Variants in UBE2QL1 observed in about 807,000 individuals in gnomAD.
UBE2QL1 encodes the protein ubiquitin conjugating enzyme E2 QL1, also known as ubiquitin-conjugating enzyme E2Q-like protein 1.
UBE2QL1 carries 5 observed loss-of-function variants against 12.6 expected under a neutral mutation model. That is an observed-to-expected ratio of 0.40 (90% CI 0.21 to 0.83). The LOEUF (loss-of-function observed/expected upper bound fraction) is 0.83. Ranked by LOEUF, UBE2QL1 falls within the 40% of genes least tolerant of loss-of-function variation. The probability of loss-of-function intolerance (pLI) is 0.37; values close to 1 mark genes in which losing one functional copy is unlikely to be tolerated. For missense variants in UBE2QL1, 99 were observed against 222.6 expected (o/e 0.44, Z 3.53); for synonymous variants, 96 against 94.5 (o/e 1.02, Z -0.10).
chr5:6,449,088 G>T lies in UBE2QL1; in HGVS notation c.195G>T (p.Ser65=). The T allele has an allele frequency of 6.5e-7, 1 of 1,547,854 alleles. No homozygotes were observed. The highest frequency in any genetic ancestry group is 8.7e-7 in the Non-Finnish European group (1 of 1,145,354). ...NLTFPDNFPF[S]PPFMRVLSPR... ...CCTTCCCCGACAACTTCCCCTTCTC[G>T]CCGCCCTTCATGCGGGTGCTCAGCC... The change falls in exon 1 of 2, where the codon TCG becomes TCT. Residue 65 remains serine, a synonymous_variant. Coordinates refer to ENST00000399816, the MANE Select transcript of UBE2QL1 (RefSeq NM_001145161.3).
rs1347564800 is a variant in UBE2QL1 at position 6,494,255 on chromosome 5, T to C, written c.*2906T>C. ...TGTAACTTTCTAGAAGACTGAGAAC[T>C]GCTTATGCCTTAGGGAGTTCTATGT... On this transcript the variant is annotated 3_prime_UTR_variant, in exon 2 of 2. Coordinates refer to ENST00000399816, the MANE Select transcript of UBE2QL1 (RefSeq NM_001145161.3). The C allele has an allele frequency of 6.6e-6, 1 of 152,230 alleles. No individual in the cohort carries two copies. Among genetic ancestry groups the C allele is most frequent in the African/African-American group, 2.4e-5 (1 of 41,458 alleles). The allele number at this position is 152,230 out of a possible 1,614,324, so 9.4% of individuals were successfully genotyped here. A position where few individuals can be genotyped will look rare whatever the true frequency, so the allele number is the denominator to read the frequency against.
intron 1 of UBE2QL1, among the ~76,000 whole-genome samples, chr5:6,465,695 A>G (rs146676585): frequency 1.3e-3 from 201 of 152,176 alleles, no homozygotes; most frequent in African/African-American, 4.7e-3. Context: ...CCTGGAAAGG[A>G]AAGAGCCCTC....
intron 1 of UBE2QL1, among the ~76,000 whole-genome samples, chr5:6,458,136 A>T (rs957170133): frequency 1.3e-5 from 2 of 152,256 alleles, no homozygotes; most frequent in African/African-American, 4.8e-5. Context: ...GTGCTTTTTG[A>T]ACATAATTGT....
intron 1 of UBE2QL1, among the ~76,000 whole-genome samples, chr5:6,465,492 A>G (rs183433830): frequency 2.5e-4 from 38 of 152,328 alleles, no homozygotes; most frequent in African/African-American, 9.1e-4. Context: ...GAAAACTGGG[A>G]GATGAGCAAA....
intron 1 of UBE2QL1, among the ~76,000 whole-genome samples, chr5:6,452,741 C>G (rs1338898553): frequency 1.3e-5 from 2 of 152,202 alleles, no homozygotes; most frequent in African/African-American, 4.8e-5. Context: ...AAAGTAGCAT[C>G]AGCATTGGGG....
intron 1 of UBE2QL1, among the ~76,000 whole-genome samples, chr5:6,469,664 G>A (rs1739869041): frequency 6.6e-6 from 1 of 151,306 alleles, no homozygotes; most frequent in Admixed American, 6.6e-5. Context: ...TATTCAAACA[G>A]TATACACTTA....
At chr5:6,480,845 A>G (rs1030594321) in intron 1 of UBE2QL1, among the ~76,000 whole-genome samples, 4 of 152,180 alleles carry the variant, frequency 2.6e-5, no homozygotes, top group Non-Finnish European at 5.9e-5. Context: ...GAGAGGTTTC[A>G]CAGTTTTAAG....
chr5:6,470,538 A>T (rs548348817), intron 1 of UBE2QL1, among the ~76,000 whole-genome samples: 1 of 152,270 alleles, frequency 6.6e-6, no homozygotes, highest in East Asian at 1.9e-4. Context: ...GCACACACAC[A>T]CTTCCACAGG....
In UBE2QL1 at chr5:6,491,238, T is replaced by G; in HGVS notation, c.375T>G (p.Ala125=). The G allele has an allele frequency of 6.4e-7, 1 of 1,551,074 alleles. No homozygotes were observed. Among genetic ancestry groups the G allele is most frequent in the South Asian group, 1.2e-5 (1 of 83,918 alleles). Residue 125 remains alanine (A), a synonymous_variant, in exon 2 of 2, where the codon GCT becomes GCG. Transcript: ENST00000399816. ...VKGQGRICRK[A]GKSKKSFSRK... is the part of the protein sequence containing the mutation. ...CGCAGGGACGGATCTGTAGAAAAGC[T>G]GGCAAATCAAAAAAGTCCTTCAGTC...
intron 1 of UBE2QL1, among the ~76,000 whole-genome samples, chr5:6,488,694 G>A (rs991800544): frequency 6.6e-6 from 1 of 151,782 alleles, no homozygotes; most frequent in African/African-American, 2.4e-5. Context: ...CAACTACCTG[G>A]GAGGCTGAGG....
intron 1 of UBE2QL1, among the ~76,000 whole-genome samples, chr5:6,469,939 T>C (rs1490866015): frequency 6.6e-6 from 1 of 152,190 alleles, no homozygotes; most frequent in East Asian, 1.9e-4. Context: ...CCCTCTGTGA[T>C]GAGAGTGAAC....
intron 1 of UBE2QL1, among the ~76,000 whole-genome samples, 192 bp downstream of exon 1, chr5:6,449,439 C>T (rs940587267): frequency 6.6e-6 from 1 of 152,124 alleles, no homozygotes; most frequent in African/African-American, 2.4e-5. Flanking sequence ...TTTCTTCCTG[C>T]CCCTGCTTTC....
rs768206702 is a variant in UBE2QL1, at chr5:6,496,310, G to A, written c.*4961G>A. On this transcript the variant is annotated 3_prime_UTR_variant, in exon 2 of 2. Coordinates refer to ENST00000399816, the MANE Select transcript of UBE2QL1 (RefSeq NM_001145161.3). ...GTTTTGTACCTCTAGACCTTGGGCA[G>A]TCACTGGTGATGACACTAATTGAAC... 6.6e-6 allele frequency among the ~76,000 whole-genome samples: 1 copy of A among 152,222 alleles called. No individual in the cohort carries two copies. The highest frequency in any genetic ancestry group is 6.5e-5 in the Admixed American group (1 of 15,284).
In UBE2QL1 at chr5:6,494,463, C is replaced by G. The variant is rs1734631725; in HGVS notation, c.*3114C>G. On this transcript the variant is annotated 3_prime_UTR_variant, in exon 2 of 2. Coordinates refer to ENST00000399816, the MANE Select transcript of UBE2QL1 (RefSeq NM_001145161.3). ...AAAATATGTAGATGAGTGAAAAAGA[C>G]CTAGGATTGAAAGACAAAAAGCCAT... 6.6e-6 allele frequency: 1 copy of G among 152,026 alleles called. No individual in the cohort carries two copies. Among genetic ancestry groups the G allele is most frequent in the Admixed American group, 6.6e-5 (1 of 15,250 alleles). 9.4% of individuals were successfully genotyped at this position (152,026 alleles called of 1,614,324 possible). A position where few individuals can be genotyped will look rare whatever the true frequency, so the allele number is the denominator to read the frequency against.
intron 1 of UBE2QL1, among the ~76,000 whole-genome samples, chr5:6,490,631 T>C (rs1449475713): frequency 3.3e-5 from 5 of 152,208 alleles, no homozygotes; most frequent in African/African-American, 1.2e-4. Context: ...GGTGCTGAAG[T>C]GACATGAATT....
At position 6,491,539 on chromosome 5, in the gene UBE2QL1, C is replaced by A; in HGVS notation, c.*190C>A. 1.6e-6 allele frequency: 1 copy of A among 644,642 alleles called. No individual in the cohort carries two copies. Among genetic ancestry groups the A allele is most frequent in the Non-Finnish European group, 2.3e-6 (1 of 429,876 alleles). The allele number at this position is 644,642 out of a possible 1,614,324, so 39.9% of individuals were successfully genotyped here. On this transcript the variant is annotated 3_prime_UTR_variant, in exon 2 of 2. Coordinates refer to ENST00000399816, the MANE Select transcript of UBE2QL1 (RefSeq NM_001145161.3). The stretch of plus-strand genomic sequence containing the variant: ...AGAGGAAGAGGGAGCAAATGCCGTT[C>A]GGATTATGTTTCGATTATAAATGAA...
chr5:6,449,296 G>T, intron 1 of UBE2QL1, 49 bp downstream of exon 1: 2 of 1,308,332 alleles, frequency 1.5e-6, no homozygotes, highest in Non-Finnish European at 1.9e-6. Flanking sequence ...GATCGGGTCT[G>T]CAGCGCCGCC....
At chr5:6,466,429 C>T (rs557683188) in intron 1 of UBE2QL1, among the ~76,000 whole-genome samples, 1 of 152,364 alleles carries the variant, frequency 6.6e-6, no homozygotes, top group Admixed American at 6.5e-5. Context: ...GCCCGTGGGC[C>T]TCCTGGGGGG....
At position 6,448,996 on chromosome 5, in the gene UBE2QL1, G is replaced by T. The variant is rs1488781198; in HGVS notation, c.103G>T (p.Asp35Tyr). Residue 35 changes from aspartate to tyrosine, a missense_variant, in exon 1 of 2, where the codon GAC (aspartate) becomes TAC (tyrosine). Coordinates refer to ENST00000399816, the MANE Select transcript of UBE2QL1 (RefSeq NM_001145161.3). Reference sequence around the variant, plus strand: ...CTGGAACGTGAAGCTGCACCAGGTGGACAAGGACTCGGTGCTGTGGCAGGA... The same window carrying T: ...CTGGAACGTGAAGCTGCACCAGGTGTACAAGGACTCGGTGCTGTGGCAGGA... ...FDWNVKLHQVDKDSVLWQDMK... is the reference protein window; with the variant it reads ...FDWNVKLHQVYKDSVLWQDMK... 6.5e-7 allele frequency: 1 copy of T among 1,550,084 alleles called. No individual in the cohort carries two copies. Among genetic ancestry groups the T allele is most frequent in the Admixed American group, 2.0e-5 (1 of 50,720 alleles).
Sources: gnomAD v4.1 joint callset for allele counts (sites outside exome capture counted in the v4.1 genomes callset) on GRCh38, gnomAD v4.1.1 for gene constraint, MANE v1.5 for transcripts, NCBI Gene and HGNC (gene_info 2026-07-23, HGNC 2026-07-21) for gene names.